Variants in LIN37 observed in about 807,000 individuals in gnomAD.
LIN37 encodes lin-37 DREAM MuvB core complex component, also known as protein lin-37 homolog.
LIN37 carries 21 observed loss-of-function variants against 38.0 expected under a neutral mutation model. The ratio of observed to expected loss-of-function variants is 0.55; its 90% CI spans 0.39 to 0.80. The LOEUF is 0.80. Among genes scored for constraint, LIN37 ranks in the 30% least tolerant of loss-of-function variants. The pLI is 0.00. For missense variants in LIN37, 273 were observed against 338.5 expected, an observed-to-expected ratio of 0.81 and a Z score of 1.52; for synonymous variants, 126 against 122.9, an observed-to-expected ratio of 1.03 and a Z score of -0.17.
In LIN37 at chr19:35,753,211, C is replaced by T; in HGVS notation, c.402C>T (p.Cys134=). The stretch of plus-strand genomic sequence containing the variant: ...GCCCCTCTGTGCGCGAGCGTGAATG[C>T]TCTCCCAGCTCACCCCTGCCCCCGC... The part of the protein sequence containing the change: ...RNSPSVRERE[C]SPSSPLPPLP... Residue 134 remains cysteine, a synonymous_variant, in exon 6 of 9, where the codon TGC becomes TGT. Coordinates refer to ENST00000301159, the MANE Select transcript of LIN37 (RefSeq NM_019104.3). The T allele has an allele frequency of 1.3e-6, 2 of 1,560,356 alleles. No individual in the cohort carries two copies. Among genetic ancestry groups the T allele is most frequent in the Non-Finnish European group, 1.7e-6 (2 of 1,152,724 alleles).
Position 35,752,836 on chromosome 19 carries a change from A to G in LIN37, c.191+3A>G. ...TCCATCGCAGCCACTGGCAAAAGGT[A>G]AGGTGGCAGGGTCCCAGCCAGCTGA... On this transcript the variant is annotated splice_donor_region_variant and intron_variant, in intron 4 of 8. Transcript: ENST00000301159. 2 of 1,607,544 alleles carry G rather than the reference A, an allele frequency of 1.2e-6. No homozygotes were observed. Among genetic ancestry groups the G allele is most frequent in the East Asian group, 4.5e-5 (2 of 44,564 alleles).
chr19:35,754,285 C>G lies in LIN37; in HGVS notation c.625C>G (p.Arg209Gly), dbSNP rs551356942. ...PEPSPSTLIY[R>G]NMQRWKRIRQ... ...GCCCTCACCCTCCACACTCATCTAT[C>G]GCAACATGCAGCGCTGGAAACGCAT... Residue 209 changes from arginine to glycine, a missense_variant, in exon 8 of 9, where the codon CGC becomes GGC. Transcript: ENST00000301159. 4.3e-6 allele frequency: 7 copies of G among 1,613,922 alleles called. No individual in the cohort carries two copies. In the Admixed American group the frequency reaches 1.0e-4, roughly 23 times the overall value.
chr19:35,752,174 A>G lies in LIN37; in HGVS notation c.35-2A>G. The G allele has an allele frequency of 6.3e-7, 1 of 1,594,800 alleles. No individual in the cohort carries two copies. Among genetic ancestry groups the G allele is most frequent in the Non-Finnish European group, 8.5e-7 (1 of 1,170,988 alleles). ...CTCCTGCTGGGTCCTCTCTTGCCCC[A>G]GAGCTGGAGATGGCCAAAGCCCGGA... On this transcript the variant is annotated splice_acceptor_variant, in intron 1 of 8. Coordinates refer to ENST00000301159, the MANE Select transcript of LIN37 (RefSeq NM_019104.3). LOFTEE classifies it high-confidence loss of function.
chr19:35,750,708 A>C (rs1448863563), intron 1 of LIN37, among the ~76,000 whole-genome samples: 1 of 386 alleles, frequency 2.6e-3, no homozygotes, highest in African/African-American at 0.011. Context: ...TCTGCCTGTA[A>C]TCCAGCACTT....
chr19:35,752,292 G>A, intron 2 of LIN37, 41 bp downstream of exon 2: 14 of 1,586,450 alleles, frequency 8.8e-6, no homozygotes, highest in Non-Finnish European at 1.2e-5. Flanking sequence ...ACCCTGGTGG[G>A]TTGGGCCCTC....
chr19:35,748,595 A>G lies in LIN37; in HGVS notation c.-130A>G, dbSNP rs1970632881. ...GTGGCCACGGTCCAGGCTGGACACA[A>G]CCAAAGGCGGAGGACCCGTGGCCCA... On this transcript the variant is annotated 5_prime_UTR_variant, in exon 1 of 9. Transcript: ENST00000301159. The G allele has an allele frequency of 1.1e-5, 15 of 1,305,386 alleles. No individual in the cohort carries two copies. Among genetic ancestry groups the G allele is most frequent in the Middle Eastern group, 1.9e-4 (1 of 5,394 alleles). The allele number at this position is 1,305,386 out of a possible 1,614,324, so 80.9% of individuals were successfully genotyped here.
rs539383447 is a variant in LIN37, at chr19:35,754,462, C to T, written c.729C>T (p.Tyr243=). 35 of 1,613,966 alleles carry T rather than the reference C, an allele frequency of 2.2e-5. No homozygotes were observed. Among genetic ancestry groups the T allele is most frequent in the Admixed American group, 1.5e-4 (9 of 60,016 alleles). ...SESMKILREM[Y]ERQ ...GCATGAAGATCCTACGAGAGATGTACGAACGACAGTGATGTTCCCAGGTCC... is the reference window on the plus strand; with the variant it reads ...GCATGAAGATCCTACGAGAGATGTATGAACGACAGTGATGTTCCCAGGTCC... The change falls in exon 9 of 9, where the codon TAC becomes TAT. Residue 243 remains tyrosine (Y), a synonymous_variant. Transcript: ENST00000301159.
chr19:35,753,632 C>T, intron 6 of LIN37: 1 of 487,994 alleles, frequency 2.0e-6, no homozygotes, highest in Non-Finnish European at 3.7e-6. Context: ...GCCATCTGAC[C>T]CAGCGGGGTA....
rs778497912 is a variant in LIN37 at position 35,752,213 on chromosome 19, T to C, written c.72T>C (p.Ala24=). The C allele has an allele frequency of 3.1e-6, 5 of 1,606,842 alleles. No homozygotes were observed. In the South Asian group the frequency reaches 4.5e-5, roughly 14 times the overall value. Reference sequence around the variant, plus strand: ...CCAAAGCCCGGAACCAACTGGATGCTGTCTTGCAGTGTCTGCTGGAGAAGA... The same window carrying C: ...CCAAAGCCCGGAACCAACTGGATGCCGTCTTGCAGTGTCTGCTGGAGAAGA... ...EMAKARNQLD[A]VLQCLLEKSH... Residue 24 remains alanine (A), a synonymous_variant, in exon 2 of 9, where the codon GCT becomes GCC. Coordinates refer to ENST00000301159, the MANE Select transcript of LIN37 (RefSeq NM_019104.3).
intron 6 of LIN37, 102 bp downstream of exon 6, chr19:35,753,355 A>G (rs923332931): frequency 5.2e-6 from 7 of 1,341,142 alleles, no homozygotes; most frequent in Non-Finnish European, 7.2e-6. Flanking sequence ...AGACAGACAC[A>G]GGTCCCTCAC....
At position 35,754,264 on chromosome 19, in the gene LIN37, T is replaced by G. The variant is rs768729158; in HGVS notation, c.604T>G (p.Ser202Ala). The G allele has an allele frequency of 3.8e-5, 61 of 1,613,860 alleles. No homozygotes were observed. Among genetic ancestry groups the G allele is most frequent in the Admixed American group, 8.3e-5 (5 of 59,998 alleles). ...CATGCAGCCCTCTGAGCCCGAGCCC[T>G]CACCCTCCACACTCATCTATCGCAA... ...PDDEPSEPEP[S>A]PSTLIYRNMQ... Residue 202 changes from serine (S) to alanine (A), a missense_variant, in exon 8 of 9, where the codon TCA (serine) becomes GCA (alanine). By Grantham distance (99) the Ser-to-Ala change is moderately conservative. Coordinates refer to ENST00000301159, the MANE Select transcript of LIN37 (RefSeq NM_019104.3).
At chr19:35,752,868 G>A (rs1191759654) in intron 4 of LIN37, 35 bp downstream of exon 4, 1 of 1,598,720 alleles carries the variant, frequency 6.3e-7, no homozygotes, top group South Asian at 1.1e-5. Flanking sequence ...CTGACTAGAG[G>A]CTCCCAGCTC....
chr19:35,753,443 T>C, intron 6 of LIN37, 190 bp downstream of exon 6: 1 of 709,096 alleles, frequency 1.4e-6, no homozygotes, highest in Non-Finnish European at 2.5e-6. Context: ...AGGGAAGACA[T>C]ACGTAACCAC....
In LIN37 at chr19:35,748,586, C is replaced by G; in HGVS notation, c.-139C>G. The G allele has an allele frequency of 8.4e-7, 1 of 1,187,348 alleles. No individual in the cohort carries two copies. Among genetic ancestry groups the G allele is most frequent in the Non-Finnish European group, 1.3e-6 (1 of 797,658 alleles). 73.6% of individuals were successfully genotyped at this position (1,187,348 alleles called of 1,614,324 possible). ...AGAAGGGTGGTGGCCACGGTCCAGG[C>G]TGGACACAACCAAAGGCGGAGGACC... On this transcript the variant is annotated 5_prime_UTR_variant, in exon 1 of 9. Coordinates refer to ENST00000301159, the MANE Select transcript of LIN37 (RefSeq NM_019104.3).
chr19:35,750,831 C>T (rs180822917), intron 1 of LIN37, among the ~76,000 whole-genome samples: 10 of 151,892 alleles, frequency 6.6e-5, no homozygotes, highest in South Asian at 4.2e-4. Flanking sequence ...CATGGTGGCA[C>T]GCGCCTGTAG....
chr19:35,753,624 C>T (rs1970711263), intron 6 of LIN37: 1 of 491,048 alleles, frequency 2.0e-6, no homozygotes, highest in Admixed American at 3.3e-5. Context: ...GTCTATAAGC[C>T]ATCTGACCCA....
chr19:35,751,193 C>T (rs1171548189), intron 1 of LIN37, among the ~76,000 whole-genome samples: 8 of 151,374 alleles, frequency 5.3e-5, no homozygotes, highest in African/African-American at 1.5e-4. Context: ...TGGTGGCGGG[C>T]GCCTGTAATC....
intron 3 of LIN37, 96 bp from the exon 4 acceptor site, chr19:35,752,708 T>C (rs954457504): frequency 9.3e-6 from 14 of 1,501,390 alleles, no homozygotes; most frequent in Non-Finnish European, 1.3e-5. Flanking sequence ...GTGGGGTTCA[T>C]GTGAGCATCT....
Position 35,752,933 on chromosome 19 carries a change from C to A in LIN37, c.211C>A (p.His71Asn), listed in dbSNP as rs769764210. The A allele has an allele frequency of 8.5e-5, 134 of 1,574,352 alleles. 3 individuals carry two copies. Among genetic ancestry groups the A allele is most frequent in the Middle Eastern group, 8.3e-4 (5 of 6,018 alleles). ...TGKRPSARFP[H>N]QRRKKRREMD... ...ACGCAGGCCATCTGCCCGCTTCCCC[C>A]ACCAGCGGAGGAAGAAGAGGAGGGA... is the stretch of plus-strand genomic sequence containing the variant. Residue 71 changes from histidine (H) to asparagine (N), a missense_variant, in exon 5 of 9, where the codon CAC becomes AAC. Physicochemically the swap from His to Asn is moderately conservative, Grantham distance 68. Coordinates refer to ENST00000301159, the MANE Select transcript of LIN37 (RefSeq NM_019104.3).
Sources: gnomAD v4.1 joint callset for allele counts (sites outside exome capture counted in the v4.1 genomes callset) on GRCh38, gnomAD v4.1.1 for gene constraint, MANE v1.5 for transcripts, NCBI Gene and HGNC (gene_info 2026-07-23, HGNC 2026-07-21) for gene names.